GNAQ: variants seen among roughly 807,000 people sequenced by gnomAD.
The protein encoded by GNAQ is guanine nucleotide-binding protein G(q) subunit alpha.
In GNAQ, 8 loss-of-function variants were observed where a neutral mutation model predicts 43.9. The ratio of observed to expected loss-of-function variants is 0.18; its 90% CI spans 0.11 to 0.33. The LOEUF (loss-of-function observed/expected upper bound fraction) is 0.33. Among genes scored for constraint, GNAQ ranks in the 10% least tolerant of loss-of-function variants. The pLI is 1.00. For missense variants in GNAQ, 158 were observed against 450.8 expected (o/e 0.35, Z 5.88); for synonymous variants, 155 against 170.7 (o/e 0.91, Z 0.71).
intron 2 of GNAQ, among the ~76,000 whole-genome samples, chr9:77,887,626 C>A (rs1828331039): frequency 6.6e-6 from 1 of 152,138 alleles, no homozygotes. Context: ...TCCAGCAGTG[C>A]CTGCTTGTGA....
chr9:78,016,558 G>A (rs1287995760), intron 1 of GNAQ, among the ~76,000 whole-genome samples: 1 of 152,014 alleles, frequency 6.6e-6, no homozygotes, highest in Non-Finnish European at 1.5e-5. Flanking sequence ...CCCAGCTACT[G>A]TAGTCCCAGC....
At chr9:77,997,332 C>T (rs530258295) in intron 1 of GNAQ, among the ~76,000 whole-genome samples, 63 of 152,206 alleles carry the variant, frequency 4.1e-4, no homozygotes, top group Non-Finnish European at 7.8e-4. Context: ...TACATTCAAT[C>T]AGCATGCCTG....
chr9:78,015,426 A>G (rs1823826766), intron 1 of GNAQ, among the ~76,000 whole-genome samples: 4 of 152,220 alleles, frequency 2.6e-5, no homozygotes, highest in Non-Finnish European at 5.9e-5. Flanking sequence ...AATTTCTGGA[A>G]TAGGAGAAAT....
intron 6 of GNAQ, among the ~76,000 whole-genome samples, chr9:77,728,004 C>CTTT (rs546463364): frequency 1.5e-4 from 23 of 148,712 alleles, no homozygotes; most frequent in East Asian, 4.0e-4. Context: ...AGTTTCTTTT[C>CTTT]TTTTTTTTTT....
intron 2 of GNAQ, among the ~76,000 whole-genome samples, chr9:77,837,811 G>C (rs1350507624): frequency 6.6e-6 from 1 of 150,540 alleles, no homozygotes; most frequent in Admixed American, 6.6e-5. Flanking sequence ...AAAATATTAA[G>C]AATGATTATA....
chr9:77,996,901 G>T lies in GNAQ; in HGVS notation c.136+34199C>A, dbSNP rs184954694. Among the ~76,000 whole-genome samples the T allele has an allele frequency of 9.7e-4, 148 of 151,916 alleles. 5 individuals are homozygous for T. The highest frequency in any genetic ancestry group is 3.5e-4 in the Non-Finnish European group (24 of 67,998). ...ATTGTTACTGGTTCTTCCCTTCTAC[G>T]GATATTAGTCAGACATACATAGCAT... On this transcript the variant is annotated intron_variant, in intron 1 of 6. Coordinates refer to ENST00000286548, the MANE Select transcript of GNAQ (RefSeq NM_002072.5).
chr9:77,867,253 T>A (rs1455148636), intron 2 of GNAQ, among the ~76,000 whole-genome samples: 3 of 152,204 alleles, frequency 2.0e-5, no homozygotes, highest in Admixed American at 2.0e-4. Flanking sequence ...AACAGAGGAC[T>A]TTTTTTATTG....
chr9:77,784,080 T>G (rs977972932), intron 5 of GNAQ, among the ~76,000 whole-genome samples: 69 of 152,060 alleles, frequency 4.5e-4, no homozygotes, highest in Non-Finnish European at 4.6e-4. Context: ...GGAAAACAAA[T>G]GCACATTTTG....
chr9:77,811,096 ATTCTC>A (rs925822084), intron 3 of GNAQ, among the ~76,000 whole-genome samples: 15 of 152,118 alleles, frequency 9.9e-5, no homozygotes, highest in African/African-American at 3.6e-4. Context: ...TGGCAGGGAG[ATTCTC>A]CTAATACCAG....
chr9:77,816,622 T>C (rs1047033413), intron 2 of GNAQ, among the ~76,000 whole-genome samples: 6 of 152,148 alleles, frequency 3.9e-5, no homozygotes, highest in Admixed American at 6.6e-5. Flanking sequence ...CATATATATA[T>C]ACACACACAA....
chr9:77,862,014 A>G (rs1208627211), intron 2 of GNAQ, among the ~76,000 whole-genome samples: 6 of 150,804 alleles, frequency 4.0e-5, no homozygotes, highest in Non-Finnish European at 5.9e-5. Flanking sequence ...GGGGTAAAAA[A>G]AAAAAAAAAA....
At chr9:77,972,900 C>G (rs1379180676) in intron 1 of GNAQ, among the ~76,000 whole-genome samples, 1 of 150,170 alleles carries the variant, frequency 6.7e-6, no homozygotes, top group Non-Finnish European at 1.5e-5. Context: ...TTGCAGTGAG[C>G]CGAGATCGTA....
At chr9:78,016,695 G>C (rs202197097) in intron 1 of GNAQ, among the ~76,000 whole-genome samples, 1 of 146,540 alleles carries the variant, frequency 6.8e-6, no homozygotes, top group Admixed American at 6.8e-5. Context: ...AAAAAAAAAA[G>C]AAATACAGAA....
chr9:77,918,934 G>T lies in GNAQ; in HGVS notation c.321+3227C>A, dbSNP rs186976672. Among the ~76,000 whole-genome samples, 32 of 152,076 alleles carry T rather than the reference G, an allele frequency of 2.1e-4. No homozygotes were observed. In the East Asian group the frequency reaches 4.4e-3, roughly 21 times the overall value. On this transcript the variant is annotated intron_variant, in intron 2 of 6. Coordinates refer to ENST00000286548, the MANE Select transcript of GNAQ (RefSeq NM_002072.5). ...GTTAAGCTCACAAATAATTTTTTTT[G>T]TTTGAGATGGAGTCTTGCTCTGTTG... is the stretch of plus-strand genomic sequence containing the variant.
chr9:78,012,098 T>G (rs1232642332), intron 1 of GNAQ, among the ~76,000 whole-genome samples: 2 of 152,182 alleles, frequency 1.3e-5, no homozygotes, highest in Non-Finnish European at 2.9e-5. Flanking sequence ...GGCCACAGAC[T>G]TATCAAATCT....
intron 1 of GNAQ, among the ~76,000 whole-genome samples, chr9:77,968,974 G>C (rs1823203559): frequency 6.6e-6 from 1 of 152,224 alleles, no homozygotes; most frequent in Non-Finnish European, 1.5e-5. Context: ...CTTCTGCCTA[G>C]TGAGGTGTGA....
Position 77,792,449 on chromosome 9 carries a change from T to A in GNAQ, c.735+2014A>T, listed in dbSNP as rs114199164. ...TTATGACACATGATAATAAAAACGA[T>A]GCCATTTTATTCTAATTAACATAAT... On this transcript the variant is annotated intron_variant, in intron 5 of 6. Transcript: ENST00000286548. Among the ~76,000 whole-genome samples, 1,097 of 152,222 alleles carry A rather than the reference T, an allele frequency of 7.2e-3. 15 individuals carry two copies. Among genetic ancestry groups the A allele is most frequent in the African/African-American group, 0.025 (1,053 of 41,568 alleles).
chr9:77,921,005 T>C (rs1828988024), intron 2 of GNAQ, among the ~76,000 whole-genome samples: 1 of 152,222 alleles, frequency 6.6e-6, no homozygotes, highest in Non-Finnish European at 1.5e-5. Context: ...TTGCTATTGC[T>C]TACTGATCTT....
At chr9:77,927,864 C>T (rs1829092160) in intron 1 of GNAQ, among the ~76,000 whole-genome samples, 1 of 152,082 alleles carries the variant, frequency 6.6e-6, no homozygotes, top group African/African-American at 2.4e-5. Context: ...CTTAATTGGT[C>T]AGCACCCAGA....
Sources: allele counts gnomAD v4.1 joint callset (sites outside exome capture counted in the v4.1 genomes callset), GRCh38; gene constraint gnomAD v4.1.1; transcripts MANE v1.5; gene names NCBI Gene and HGNC (gene_info 2026-07-23, HGNC 2026-07-21).